Variants in LRRC49 observed in about 807,000 individuals in gnomAD.
The protein encoded by LRRC49 is leucine-rich repeat-containing protein 49.
In LRRC49, 50 loss-of-function variants were observed where a neutral mutation model predicts 83.3. The observed-to-expected ratio is 0.60, with a 90% confidence interval of 0.48 to 0.76. The LOEUF is 0.76. Among genes scored for constraint, LRRC49 ranks in the 30% least tolerant of loss-of-function variants. The probability of loss-of-function intolerance (pLI) is 0.00; values close to 1 mark genes in which losing one functional copy is unlikely to be tolerated. For missense variants in LRRC49, 704 were observed against 809.1 expected (o/e 0.87, Z 1.58); for synonymous variants, 286 against 283.3 (o/e 1.01, Z -0.10).
exon 2 of LRRC49, chr15:70,873,180 C>A (rs981181629): frequency 1.2e-5 from 19 of 1,535,530 alleles, no homozygotes; most frequent in Non-Finnish European, 1.6e-5. Context: ...CCACCTCGCC[C>A]AGCCAACTTG....
chr15:70,853,889 C>G (rs1410371495), intron 1 of LRRC49: 1 of 1,302,178 alleles, frequency 7.7e-7, no homozygotes, highest in Admixed American at 3.5e-5. Flanking sequence ...CCGCGCCTAC[C>G]TGTGCCCGCG....
At position 71,009,914 on chromosome 15, in the gene LRRC49, T is replaced by A; in HGVS notation, c.1515T>A (p.Val505=). The part of the protein sequence containing the change: ...QLTIDPQGNP[V]VNFTLWKYYV... The stretch of plus-strand genomic sequence containing the variant: ...CAATTGATCCTCAAGGAAATCCAGT[T>A]GTCAATTTTACACTCTGGAAATACT... Residue 505 remains valine, a synonymous_variant, in exon 13 of 16, where the codon GTT becomes GTA. Coordinates refer to ENST00000260382, the MANE Select transcript of LRRC49 (RefSeq NM_017691.5). 1 of 1,612,326 alleles carries A rather than the reference T, an allele frequency of 6.2e-7. No homozygotes were observed. Among genetic ancestry groups the A allele is most frequent in the South Asian group, 1.1e-5 (1 of 90,990 alleles).
chr15:70,872,634 A>G (rs566388375), intron 1 of LRRC49, among the ~76,000 whole-genome samples: 1 of 152,150 alleles, frequency 6.6e-6, no homozygotes, highest in Non-Finnish European at 1.5e-5. Context: ...GTTTCCAAAA[A>G]GTGTGTGTTC....
chr15:71,035,522 G>GT (rs1403203529), intron 14 of LRRC49, among the ~76,000 whole-genome samples: 2 of 152,010 alleles, frequency 1.3e-5, no homozygotes, highest in Admixed American at 1.3e-4. Flanking sequence ...ACAGGCCCTG[G>GT]TGTGTGATGT....
At chr15:70,943,723 A>G (rs1392953156) in intron 8 of LRRC49, among the ~76,000 whole-genome samples, 2 of 152,190 alleles carry the variant, frequency 1.3e-5, no homozygotes, top group East Asian at 3.8e-4. Flanking sequence ...GCTTGAGCCC[A>G]CTTGCCCAAC....
At position 70,998,370 on chromosome 15, in the gene LRRC49, G is replaced by A. The variant is rs975866859; in HGVS notation, c.1170-10009G>A. Among the ~76,000 whole-genome samples, 3 of 152,034 alleles carry A rather than the reference G, an allele frequency of 2.0e-5. No individual in the cohort carries two copies. The South Asian group carries it at 6.2e-4, about 32-fold the overall frequency. ...CATTTCCTGTAGGTCAGGTATACTA[G>A]TAATAAATTCCCTCAGCTTTTGTTT... is the stretch of plus-strand genomic sequence containing the variant. On this transcript the variant is annotated intron_variant, in intron 11 of 15. Transcript: ENST00000260382.
At chr15:70,950,447 A>G (rs2036176750) in intron 8 of LRRC49, among the ~76,000 whole-genome samples, 1 of 151,548 alleles carries the variant, frequency 6.6e-6, no homozygotes, top group South Asian at 2.1e-4. Flanking sequence ...TCTCCAATGT[A>G]TAAGTATTCT....
At chr15:70,970,335 A>T (rs572206345) in intron 9 of LRRC49, among the ~76,000 whole-genome samples, 1 of 152,156 alleles carries the variant, frequency 6.6e-6, no homozygotes, top group East Asian at 1.9e-4. Context: ...AGCTGGGTTG[A>T]TCGTGGTGGA....
At chr15:71,005,215 A>G (rs1381247968) in intron 11 of LRRC49, among the ~76,000 whole-genome samples, 1 of 151,990 alleles carries the variant, frequency 6.6e-6, no homozygotes, top group Non-Finnish European at 1.5e-5. Flanking sequence ...AAAATCTGCT[A>G]TTTATCTCTC....
chr15:71,044,276 C>G (rs897822585), intron 15 of LRRC49, among the ~76,000 whole-genome samples: 1 of 152,176 alleles, frequency 6.6e-6, no homozygotes, highest in Admixed American at 6.5e-5. Flanking sequence ...TCTGTACATA[C>G]TTTTAAGACT....
intron 1 of LRRC49, among the ~76,000 whole-genome samples, chr15:70,864,379 G>A (rs1461729277): frequency 6.6e-6 from 1 of 151,920 alleles, no homozygotes; most frequent in Non-Finnish European, 1.5e-5. Context: ...ATGGGCACCA[G>A]GATGGATGAG....
intron 2 of LRRC49, among the ~76,000 whole-genome samples, chr15:70,876,821 A>G (rs2033161803): frequency 6.6e-6 from 1 of 152,142 alleles, no homozygotes; most frequent in Non-Finnish European, 1.5e-5. Flanking sequence ...AATCCATTCC[A>G]ATTCTTCTTG....
intron 9 of LRRC49, 108 bp downstream of exon 9, chr15:70,964,040 G>T: frequency 9.1e-7 from 1 of 1,093,338 alleles, no homozygotes. Flanking sequence ...GTGAACTATG[G>T]GTTATCATGA....
intron 7 of LRRC49, among the ~76,000 whole-genome samples, chr15:70,920,629 T>C (rs1263409454): frequency 6.6e-6 from 1 of 152,198 alleles, no homozygotes; most frequent in Non-Finnish European, 1.5e-5. Context: ...ATTTGGAAAG[T>C]GCATAATGCA....
chr15:70,871,815 C>T (rs1037370051), intron 1 of LRRC49, among the ~76,000 whole-genome samples: 23 of 146,168 alleles, frequency 1.6e-4, no homozygotes, highest in Admixed American at 4.8e-4. Flanking sequence ...GGGGTAGAGG[C>T]GCTCCCCACA....
chr15:70,967,509 C>T (rs1292402534), intron 9 of LRRC49, among the ~76,000 whole-genome samples: 1 of 151,914 alleles, frequency 6.6e-6, no homozygotes, highest in Non-Finnish European at 1.5e-5. Context: ...GGCCTCAACT[C>T]CTATTTTGCT....
chr15:71,003,774 G>C (rs912363920), intron 11 of LRRC49, among the ~76,000 whole-genome samples: 2 of 152,188 alleles, frequency 1.3e-5, no homozygotes, highest in African/African-American at 2.4e-5. Context: ...ACTTGCCCCA[G>C]AAGTCATCAG....
intron 7 of LRRC49, among the ~76,000 whole-genome samples, chr15:70,931,881 G>T (rs2141150722): frequency 6.6e-6 from 1 of 151,976 alleles, no homozygotes; most frequent in Non-Finnish European, 1.5e-5. Context: ...TTTTATGAGG[G>T]GTCTTTTTAG....
chr15:71,017,791 C>T (rs553871082), intron 14 of LRRC49, among the ~76,000 whole-genome samples: 1 of 152,220 alleles, frequency 6.6e-6, no homozygotes, highest in African/African-American at 2.4e-5. Flanking sequence ...GGTAGTTTCA[C>T]AATGTCTATC....
Sources: allele counts gnomAD v4.1 joint callset (sites outside exome capture counted in the v4.1 genomes callset), GRCh38; gene constraint gnomAD v4.1.1; transcripts MANE v1.5; gene names NCBI Gene and HGNC (gene_info 2026-07-23, HGNC 2026-07-21).